The following C12orf42 variants were observed in gnomAD, a reference collection of about 807,000 sequenced individuals.
The protein encoded by C12orf42 is chromosome 12 open reading frame 42.
Under a neutral mutation model 21.6 loss-of-function variants are expected in C12orf42, and 25 were observed. The ratio of observed to expected loss-of-function variants is 1.16; its 90% CI spans 0.84 to 1.62. The LOEUF is 1.62. C12orf42 is among the 40% of genes most tolerant of loss of function. The pLI, the probability that C12orf42 is intolerant of heterozygous loss-of-function variation, is 0.00. For synonymous variants in C12orf42, 174 were observed against 175.0 expected (o/e 0.99, Z 0.05); for missense variants, 483 against 459.3 (o/e 1.05, Z -0.47).
chr12:103,090,945 CA>C, the C12orf42 span, among the ~76,000 whole-genome samples: 4 of 151,420 alleles, frequency 2.6e-5, no homozygotes, highest in African/African-American at 9.7e-5. Context: ...TAAGCCAGCC[CA>C]CTTCAACTGC....
intron 4 of C12orf42, among the ~76,000 whole-genome samples, chr12:103,283,428 T>G (rs2036252831): frequency 6.6e-6 from 1 of 152,210 alleles, no homozygotes; most frequent in Non-Finnish European, 1.5e-5. Flanking sequence ...AACCTTTTAG[T>G]GACTCTCCAT....
intron 3 of C12orf42, among the ~76,000 whole-genome samples, chr12:103,394,322 C>A (rs1047487558): frequency 1.3e-5 from 2 of 152,146 alleles, no homozygotes; most frequent in Admixed American, 6.5e-5. Flanking sequence ...TAACTCACAC[C>A]TGCTGAGAAA....
At chr12:103,335,676 A>G (rs1480930602) in intron 4 of C12orf42, among the ~76,000 whole-genome samples, 1 of 152,206 alleles carries the variant, frequency 6.6e-6, no homozygotes, top group East Asian at 1.9e-4. Context: ...TGCAATTCTC[A>G]AAGAATCTTG....
At chr12:103,301,139 T>A (rs1207558945), downstream of C12orf42, among the ~76,000 whole-genome samples, 2 of 152,318 alleles carry the variant, frequency 1.3e-5, no homozygotes, top group African/African-American at 4.8e-5. Context: ...GACATTATGC[T>A]GTCTTAAATG....
chr12:103,477,704 CAGAAGCTGGAAAGGG>C (rs1214782347), intron 2 of C12orf42, among the ~76,000 whole-genome samples: 4 of 152,070 alleles, frequency 2.6e-5, no homozygotes, highest in Admixed American at 2.6e-4. Flanking sequence ...AGACAGCCTT[CAGAAGCTGGAAAGGG>C]AAGGAAACAG....
chr12:103,277,873 C>A (rs2136292523), intron 4 of C12orf42, among the ~76,000 whole-genome samples: 1 of 152,252 alleles, frequency 6.6e-6, no homozygotes, highest in African/African-American at 2.4e-5. Flanking sequence ...CCTGCCTTGG[C>A]CTCCCAAAGT....
chr12:103,477,228 G>C (rs931465995), intron 2 of C12orf42, among the ~76,000 whole-genome samples: 9 of 152,144 alleles, frequency 5.9e-5, no homozygotes, highest in Admixed American at 5.9e-4. Context: ...GAAAGCACAG[G>C]ATAGATTTTA....
rs143439709 is a variant in C12orf42, at chr12:103,260,704, G to A, written c.*1366+2622C>T. 2.8e-4 allele frequency among the ~76,000 whole-genome samples: 43 copies of A among 152,308 alleles called. No individual in the cohort carries two copies. In the East Asian group the frequency reaches 7.1e-3, roughly 25 times the overall value. On this transcript the variant is annotated intron_variant and NMD_transcript_variant, in intron 10 of 10. Transcript: ENST00000547347. ...ATGTGGCCAAAAAGATCTTCAGAGC[G>A]ATGGCAAAATAGGAAACTGACAATT...
At chr12:103,521,048 A>G in the C12orf42 span, among the ~76,000 whole-genome samples, 4 of 152,120 alleles carry the variant, frequency 2.6e-5, no homozygotes, top group African/African-American at 9.7e-5. Context: ...ATCATGCTCT[A>G]TGTACTATAG....
At chr12:103,290,075 A>G (rs1359460125) in intron 4 of C12orf42, among the ~76,000 whole-genome samples, 1 of 152,198 alleles carries the variant, frequency 6.6e-6, no homozygotes, top group African/African-American at 2.4e-5. Flanking sequence ...GAAGGAAAGC[A>G]AGAAGTACGG....
the C12orf42 span, among the ~76,000 whole-genome samples, chr12:103,562,990 G>C: frequency 6.6e-6 from 1 of 152,212 alleles, no homozygotes; most frequent in African/African-American, 2.4e-5. Context: ...TGTCAATGCA[G>C]TGAGATCCCT....
chr12:103,519,563 T>G, the C12orf42 span, among the ~76,000 whole-genome samples: 10 of 152,300 alleles, frequency 6.6e-5, no homozygotes, highest in Admixed American at 5.9e-4. Context: ...ATCTAGTTAA[T>G]GTGATGACAT....
chr12:103,484,436 G>T (rs1954679804), intron 1 of C12orf42, among the ~76,000 whole-genome samples: 1 of 152,124 alleles, frequency 6.6e-6, no homozygotes, highest in Non-Finnish European at 1.5e-5. Context: ...TTTTTTATGT[G>T]TCTCTTGGCT....
At chr12:103,415,340 A>AC (rs899824384) in intron 2 of C12orf42, among the ~76,000 whole-genome samples, 7 of 152,102 alleles carry the variant, frequency 4.6e-5, no homozygotes, top group African/African-American at 9.7e-5. Flanking sequence ...AGACTTCAAC[A>AC]CCCCACTGAC....
chr12:103,429,780 C>A (rs538015655), intron 2 of C12orf42, among the ~76,000 whole-genome samples: 3 of 152,176 alleles, frequency 2.0e-5, no homozygotes, highest in Admixed American at 2.0e-4. Context: ...ATACATAGAC[C>A]AATAGAACAG....
chr12:103,436,397 A>T (rs1446783132), intron 2 of C12orf42, among the ~76,000 whole-genome samples: 1 of 152,160 alleles, frequency 6.6e-6, no homozygotes, highest in Non-Finnish European at 1.5e-5. Context: ...ATTCACACAT[A>T]AAAATATTAA....
the C12orf42 span, among the ~76,000 whole-genome samples, chr12:103,206,521 T>TACACACACAC: frequency 6.1e-5 from 9 of 148,728 alleles, no homozygotes; most frequent in African/African-American, 1.7e-4. Context: ...TTTTCTATAT[T>TACACACACAC]ACACACACAC....
At chr12:103,455,183 T>C (rs1952205778) in intron 2 of C12orf42, among the ~76,000 whole-genome samples, 1 of 152,174 alleles carries the variant, frequency 6.6e-6, no homozygotes, top group South Asian at 2.1e-4. Flanking sequence ...AAAGTGGCTA[T>C]ATAGAGAGTC....
intron 3 of C12orf42, among the ~76,000 whole-genome samples, chr12:103,380,082 A>G (rs2046037021): frequency 6.6e-6 from 1 of 152,230 alleles, no homozygotes; most frequent in Non-Finnish European, 1.5e-5. Context: ...ACAATAGGCA[A>G]AGAAGAATTA....
Sources: gnomAD v4.1 joint callset for allele counts (sites outside exome capture counted in the v4.1 genomes callset) on GRCh38, gnomAD v4.1.1 for gene constraint, MANE v1.5 for transcripts, NCBI Gene and HGNC (gene_info 2026-07-23, HGNC 2026-07-21) for gene names.